PCDHA6: variants seen among roughly 807,000 people sequenced by gnomAD.
PCDHA6 encodes protocadherin alpha-6.
In PCDHA6, 55 loss-of-function variants were observed where a neutral mutation model predicts 60.3. That is an observed-to-expected ratio of 0.91 (90% CI 0.73 to 1.14). PCDHA6 has a LOEUF of 1.14. PCDHA6 is among the 50% of genes most tolerant of loss of function. The pLI is 0.00. For synonymous variants in PCDHA6, 652 were observed against 557.9 expected (o/e 1.17, Z -2.38); for missense variants, 1,327 against 1,256.5 (o/e 1.06, Z -0.85).
rs1476497862 is a variant in PCDHA6 at position 140,947,129 on chromosome 5, T to TAGTAAAATG, written c.2395-31819_2395-31811dup. Among the ~76,000 whole-genome samples the TAGTAAAATG allele has an allele frequency of 1.0e-3, 152 of 151,378 alleles. 1 individual carries two copies. Among genetic ancestry groups the TAGTAAAATG allele is most frequent in the African/African-American group, 3.5e-3 (145 of 41,346 alleles). On this transcript the variant is annotated intron_variant, in intron 1 of 3. Transcript: ENST00000529310. The stretch of plus-strand genomic sequence containing the variant: ...TACGTGTCAATTAAAATAATAAAAA[T>TAGTAAAATG]AGTAAAATGTATAGTTACTTCCACG...
intron 1 of PCDHA6, chr5:140,876,150 C>A (rs782752906): frequency 5.0e-6 from 8 of 1,613,798 alleles, no homozygotes; most frequent in Non-Finnish European, 2.5e-6. Context: ...CAGGGTCTGT[C>A]CAGATTCAAA....
At chr5:140,848,437 A>C in intron 1 of PCDHA6, 1 of 1,473,718 alleles carries the variant, frequency 6.8e-7, no homozygotes, top group Non-Finnish European at 9.3e-7. Context: ...ACGAAATCAG[A>C]TGATTTCTTC....
Position 140,884,512 on chromosome 5 carries a change from G to A in PCDHA6, c.2394+54027G>A, listed in dbSNP as rs782026771. 4.3e-5 allele frequency: 70 copies of A among 1,614,202 alleles called. No individual in the cohort carries two copies. The Middle Eastern group carries it at 4.9e-4, about 11-fold the overall frequency. ...TGTGCTCCAGCGCGGCAGGGAGTTG[G>A]TCGTACTCGCAGCAGAGGCGGCCGA... is the stretch of plus-strand genomic sequence containing the variant. On this transcript the variant is annotated intron_variant, in intron 1 of 3. Transcript: ENST00000529310.
chr5:140,857,567 G>T (rs139473255), intron 1 of PCDHA6: 8 of 1,596,870 alleles, frequency 5.0e-6, no homozygotes, highest in African/African-American at 2.7e-5. Flanking sequence ...GTCGAGCTAC[G>T]TGTCGGTGCA....
rs2150374471 is a variant in PCDHA6, at chr5:140,844,869, T to C, written c.2394+14384T>C. Among the ~76,000 whole-genome samples the C allele has an allele frequency of 2.0e-5, 3 of 149,476 alleles. No homozygotes were observed. The Admixed American group carries it at 2.0e-4, about 10-fold the overall frequency. On this transcript the variant is annotated intron_variant, in intron 1 of 3. Transcript: ENST00000529310. ...CTGTTGGACCTGCCTGGATATTAAA[T>C]ACCCATTAGACTTCGTGCATATTGC... is the stretch of plus-strand genomic sequence containing the variant.
intron 1 of PCDHA6, among the ~76,000 whole-genome samples, chr5:140,957,407 ATTG>A (rs2095357259): frequency 6.6e-6 from 1 of 152,156 alleles, no homozygotes; most frequent in Non-Finnish European, 1.5e-5. Context: ...ATTTATTATT[ATTG>A]TTGTTAATCT....
In PCDHA6 at chr5:140,884,578, G is replaced by A. The variant is rs1554181757; in HGVS notation, c.2394+54093G>A. 6 of 1,614,104 alleles carry A rather than the reference G, an allele frequency of 3.7e-6. No homozygotes were observed. In the South Asian group the frequency reaches 4.4e-5, roughly 12 times the overall value. On this transcript the variant is annotated intron_variant, in intron 1 of 3. Transcript: ENST00000529310. ...AGGGCCCGCATAAGACGGACCTCAT[G>A]GCCTTCAGTCCCAGCCTTCCTCCTT...
intron 1 of PCDHA6, chr5:140,848,313 C>A: frequency 2.7e-6 from 2 of 730,622 alleles, no homozygotes; most frequent in Non-Finnish European, 4.5e-6. Flanking sequence ...CACTCTTTGC[C>A]GCGATGTTCT....
intron 1 of PCDHA6, among the ~76,000 whole-genome samples, chr5:140,846,376 T>C (rs2150389253): frequency 0.033 from 4,309 of 129,342 alleles, 439 homozygotes; most frequent in African/African-American, 0.12. Flanking sequence ...TTTCTTTCTT[T>C]TTTTTTTTTT....
chr5:140,830,729 T>C, intron 1 of PCDHA6: 1 of 215,658 alleles, frequency 4.6e-6, no homozygotes, highest in Non-Finnish European at 9.1e-6. Context: ...AAAATATTCT[T>C]GGATATGTCG....
At chr5:140,836,003 G>A (rs1456412206) in intron 1 of PCDHA6, 1 of 1,613,210 alleles carries the variant, frequency 6.2e-7, no homozygotes, top group African/African-American at 1.3e-5. Context: ...CGCGCGATGC[G>A]GGCGTGCCGC....
intron 1 of PCDHA6, chr5:140,863,507 T>A: frequency 2.4e-6 from 1 of 420,150 alleles, no homozygotes. Flanking sequence ...CTTTTAGTCC[T>A]AGTGTTCTCC....
chr5:140,876,378 T>G (rs1554168503), intron 1 of PCDHA6: 1 of 1,613,948 alleles, frequency 6.2e-7, no homozygotes. Flanking sequence ...CAGGTGAAAT[T>G]AGAATTTATG....
chr5:140,919,593 T>A (rs541275874), intron 1 of PCDHA6, among the ~76,000 whole-genome samples: 1 of 152,332 alleles, frequency 6.6e-6, no homozygotes, highest in South Asian at 2.1e-4. Flanking sequence ...TGGTAATTTT[T>A]AAAATAAATT....
At chr5:140,974,009 A>C (rs1554235749) in intron 1 of PCDHA6, among the ~76,000 whole-genome samples, 2 of 152,236 alleles carry the variant, frequency 1.3e-5, no homozygotes, top group African/African-American at 4.8e-5. Flanking sequence ...TGTTTTGTGC[A>C]TGTGATAATA....
intron 1 of PCDHA6, chr5:140,842,836 G>C: frequency 6.3e-7 from 1 of 1,593,818 alleles, no homozygotes; most frequent in Non-Finnish European, 8.6e-7. Context: ...GCTCGCTGTC[G>C]AGCTACATTT....
intron 1 of PCDHA6, among the ~76,000 whole-genome samples, chr5:140,972,662 T>A (rs1188844189): frequency 1.5e-4 from 8 of 54,766 alleles, no homozygotes; most frequent in African/African-American, 8.1e-4. Context: ...GAAACCAAAT[T>A]TTTTTTTTTT....
Position 140,876,798 on chromosome 5 carries a change from C to G in PCDHA6, c.2394+46313C>G, listed in dbSNP as rs199586239. 1.6e-4 allele frequency: 252 copies of G among 1,614,180 alleles called. 4 individuals are homozygous for G. The East Asian group carries it at 3.4e-3, about 22-fold the overall frequency. ...CGCTGTGGGCCACGGCTAGAGTGTC[C>G]GTGGAGGTGGCCGACGTGAACGACA... On this transcript the variant is annotated intron_variant, in intron 1 of 3. Coordinates refer to ENST00000529310, the MANE Select transcript of PCDHA6 (RefSeq NM_018909.4).
chr5:140,986,793 G>A lies in PCDHA6; in HGVS notation c.2542+4230G>A, dbSNP rs945707149. 6.6e-5 allele frequency among the ~76,000 whole-genome samples: 10 copies of A among 152,312 alleles called. No homozygotes were observed. In the East Asian group the frequency reaches 1.7e-3, roughly 26 times the overall value. ...TTAGGTAGCGGAAGCCACTAAGGCA[G>A]TGAGTCTTAGTTAGAGAACTTTGGT... On this transcript the variant is annotated intron_variant, in intron 3 of 3. Coordinates refer to ENST00000529310, the MANE Select transcript of PCDHA6 (RefSeq NM_018909.4).
Sources: gnomAD v4.1 joint callset for allele counts (sites outside exome capture counted in the v4.1 genomes callset) on GRCh38, gnomAD v4.1.1 for gene constraint, MANE v1.5 for transcripts, NCBI Gene and HGNC (gene_info 2026-07-23, HGNC 2026-07-21) for gene names.